FGFR1OP2: variants seen among roughly 807,000 people sequenced by gnomAD.
The protein encoded by FGFR1OP2 is FGFR1 oncogene partner 2.
A neutral mutation model predicts 35.2 loss-of-function variants in FGFR1OP2; 17 were observed. The ratio of observed to expected loss-of-function variants is 0.48; its 90% CI spans 0.33 to 0.73. The LOEUF (loss-of-function observed/expected upper bound fraction) is 0.73. Among genes scored for constraint, FGFR1OP2 ranks in the 30% least tolerant of loss-of-function variants. The pLI is 0.02. For synonymous variants in FGFR1OP2, 105 were observed against 104.6 expected (o/e 1.00, Z -0.03); for missense variants, 251 against 307.3 (o/e 0.82, Z 1.37).
intron 1 of FGFR1OP2, among the ~76,000 whole-genome samples, chr12:26,946,062 A>G (rs1318276539): frequency 1.3e-5 from 2 of 152,086 alleles, no homozygotes; most frequent in African/African-American, 4.8e-5. Context: ...TTTTGCCTAT[A>G]TTGCTGATTT....
chr12:26,951,783 G>A (rs892640084), intron 1 of FGFR1OP2, among the ~76,000 whole-genome samples: 11 of 152,040 alleles, frequency 7.2e-5, no homozygotes, highest in South Asian at 2.1e-4. Flanking sequence ...ACCTTATTGC[G>A]TTTTATTTGG....
At position 26,943,800 on chromosome 12, in the gene FGFR1OP2, C is replaced by T. The variant is rs566681963; in HGVS notation, c.-15+5090C>T. Among the ~76,000 whole-genome samples the T allele has an allele frequency of 1.1e-4, 16 of 152,218 alleles. No homozygotes were observed. In the South Asian group the frequency reaches 2.9e-3, roughly 28 times the overall value. Reference sequence around the variant, plus strand: ...AGATCGTACCGCTGCACTCCAGCAGCCTGGGCGACAGACTAAGACTCTGTC... The same window carrying T: ...AGATCGTACCGCTGCACTCCAGCAGTCTGGGCGACAGACTAAGACTCTGTC... On this transcript the variant is annotated intron_variant, in intron 1 of 6. Coordinates refer to ENST00000229395, the MANE Select transcript of FGFR1OP2 (RefSeq NM_015633.3).
intron 1 of FGFR1OP2, 56 bp downstream of exon 1, chr12:26,938,766 T>G (rs1234075249): frequency 6.6e-6 from 1 of 152,288 alleles, no homozygotes; most frequent in Non-Finnish European, 1.5e-5. Flanking sequence ...GAGGCGTCCT[T>G]TGCCGGGGCA....
intron 5 of FGFR1OP2, 32 bp from the exon 6 acceptor site, chr12:26,963,310 G>C: frequency 7.0e-7 from 1 of 1,426,540 alleles, no homozygotes; most frequent in Non-Finnish European, 9.7e-7. Flanking sequence ...AAAGTATTTT[G>C]CTGATTTCCA....
At chr12:26,939,042 GT>G (rs1366507888) in intron 1 of FGFR1OP2, among the ~76,000 whole-genome samples, 1 of 152,210 alleles carries the variant, frequency 6.6e-6, no homozygotes, top group African/African-American at 2.4e-5. Flanking sequence ...TCAGTCACCT[GT>G]TTGCAGCGTT....
intron 1 of FGFR1OP2, among the ~76,000 whole-genome samples, chr12:26,946,778 T>A (rs970420923): frequency 6.6e-6 from 1 of 152,222 alleles, no homozygotes; most frequent in Non-Finnish European, 1.5e-5. Flanking sequence ...TTAGAACATT[T>A]TTCCCGCGCA....
At chr12:26,946,195 A>G (rs1371249202) in intron 1 of FGFR1OP2, among the ~76,000 whole-genome samples, 1 of 152,100 alleles carries the variant, frequency 6.6e-6, no homozygotes, top group East Asian at 1.9e-4. Context: ...AAGCTCTTTA[A>G]TTATAGTTGT....
chr12:26,952,006 A>G (rs1242190757), intron 1 of FGFR1OP2, among the ~76,000 whole-genome samples: 1 of 149,862 alleles, frequency 6.7e-6, no homozygotes, highest in East Asian at 2.0e-4. Context: ...TACTTTCACC[A>G]TCTGTTATAA....
intron 1 of FGFR1OP2, among the ~76,000 whole-genome samples, chr12:26,953,114 A>G (rs1388614576): frequency 6.6e-6 from 1 of 151,992 alleles, no homozygotes; most frequent in African/African-American, 2.4e-5. Flanking sequence ...ATACAAAAAA[A>G]TGAGCCAGGC....
At chr12:26,944,995 G>A (rs1173724402) in intron 1 of FGFR1OP2, among the ~76,000 whole-genome samples, 1 of 152,126 alleles carries the variant, frequency 6.6e-6, no homozygotes, top group Non-Finnish European at 1.5e-5. Context: ...CAATTCATGT[G>A]TATGGAATTT....
At position 26,966,435 on chromosome 12, in the gene FGFR1OP2, A is replaced by G. The variant is rs937994308; in HGVS notation, c.*1702A>G. ...TTACTTGATAAATAATTATTTTTGTAAACAAGTTGGGTTAACTTATTCTTC... is the reference window on the plus strand; with the variant it reads ...TTACTTGATAAATAATTATTTTTGTGAACAAGTTGGGTTAACTTATTCTTC... On this transcript the variant is annotated 3_prime_UTR_variant, in exon 7 of 7. Transcript: ENST00000229395. 1 of 152,120 alleles carries G rather than the reference A, an allele frequency of 6.6e-6. No individual in the cohort carries two copies. Among genetic ancestry groups the G allele is most frequent in the Non-Finnish European group, 1.5e-5 (1 of 68,006 alleles). The allele number at this position is 152,120 out of a possible 1,614,324, so 9.4% of individuals were successfully genotyped here.
rs1317047547 is a variant in FGFR1OP2, at chr12:26,954,251, G to A, written c.93G>A (p.Glu31=). ...ACGATGCAGCAGAATCTCTGATTGAGCAAACCACAGCTCTCAACAAGCGAG... is the reference window on the plus strand; with the variant it reads ...ACGATGCAGCAGAATCTCTGATTGAACAAACCACAGCTCTCAACAAGCGAG... ...DHDDAAESLI[E]QTTALNKRVE... The change falls in exon 2 of 7, where the codon GAG becomes GAA. Residue 31 remains glutamate, a synonymous_variant. Coordinates refer to ENST00000229395, the MANE Select transcript of FGFR1OP2 (RefSeq NM_015633.3). 6.2e-7 allele frequency: 1 copy of A among 1,611,480 alleles called. No individual in the cohort carries two copies. The highest frequency in any genetic ancestry group is 8.5e-7 in the Non-Finnish European group (1 of 1,178,526).
At chr12:26,960,810 T>G in intron 5 of FGFR1OP2, 182 bp downstream of exon 5, 1 of 965,722 alleles carries the variant, frequency 1.0e-6, no homozygotes, top group South Asian at 2.2e-5. Flanking sequence ...CTCATTAATT[T>G]TCTGTGTATT....
chr12:26,946,708 G>C (rs558744147), intron 1 of FGFR1OP2, among the ~76,000 whole-genome samples: 1 of 152,150 alleles, frequency 6.6e-6, no homozygotes, highest in African/African-American at 2.4e-5. Context: ...CCTATTTAAA[G>C]TGTACACTTT....
chr12:26,946,388 G>A (rs1202477411), intron 1 of FGFR1OP2, among the ~76,000 whole-genome samples: 1 of 152,116 alleles, frequency 6.6e-6, no homozygotes, highest in Non-Finnish European at 1.5e-5. Flanking sequence ...GTGGCTCACT[G>A]CAGCCTCAAC....
Position 26,964,852 on chromosome 12 carries a change from G to T in FGFR1OP2, c.*119G>T. 1 of 1,038,898 alleles carries T rather than the reference G, an allele frequency of 9.6e-7. No homozygotes were observed. The highest frequency in any genetic ancestry group is 2.4e-5 in the Admixed American group (1 of 41,102). The allele number at this position is 1,038,898 out of a possible 1,614,324, so 64.4% of individuals were successfully genotyped here. A position where few individuals can be genotyped will look rare whatever the true frequency, so the allele number is the denominator to read the frequency against. ...CTCTGTAAATATGTACAGTGCACGG[G>T]CTATGAGATAGCAACAAAAAATGCA... On this transcript the variant is annotated 3_prime_UTR_variant, in exon 7 of 7. Transcript: ENST00000229395.
rs370809370 is a variant in FGFR1OP2, at chr12:26,947,018, C to CT, written c.-14-7115dup. ...TGTTTCAGGGCATCATTCCCCCCTACTTTTTTTTTTTTGCCAGATATTCCA... is the reference window on the plus strand; with the variant it reads ...TGTTTCAGGGCATCATTCCCCCCTACTTTTTTTTTTTTTGCCAGATATTCCA... On this transcript the variant is annotated intron_variant, in intron 1 of 6. Coordinates refer to ENST00000229395, the MANE Select transcript of FGFR1OP2 (RefSeq NM_015633.3). Among the ~76,000 whole-genome samples, 698 of 145,810 alleles carry CT rather than the reference C, an allele frequency of 4.8e-3. 2 individuals carry two copies. Among genetic ancestry groups the CT allele is most frequent in the African/African-American group, 0.013 (504 of 40,032 alleles).
At chr12:26,960,964 AACTG>A (rs1939097531) in intron 5 of FGFR1OP2, 4 of 178,248 alleles carry the variant, frequency 2.2e-5, no homozygotes, top group Non-Finnish European at 4.8e-5. Flanking sequence ...ATTAATTTTA[AACTG>A]ATTTCATAAG....
intron 1 of FGFR1OP2, among the ~76,000 whole-genome samples, chr12:26,949,977 T>C (rs1167650107): frequency 2.6e-5 from 4 of 152,100 alleles, no homozygotes; most frequent in Admixed American, 6.6e-5. Context: ...AATGGTTCTT[T>C]TGAAATTTGA....
Sources: allele counts gnomAD v4.1 joint callset (sites outside exome capture counted in the v4.1 genomes callset), GRCh38; gene constraint gnomAD v4.1.1; transcripts MANE v1.5; gene names NCBI Gene and HGNC (gene_info 2026-07-23, HGNC 2026-07-21).